The following LMNA variants were observed in gnomAD, a reference collection of about 807,000 sequenced individuals.
The protein encoded by LMNA is lamin.
In LMNA, 20 loss-of-function variants were observed where a neutral mutation model predicts 70.4. The ratio of observed to expected loss-of-function variants is 0.28; its 90% CI spans 0.20 to 0.41. LMNA has a LOEUF of 0.41. Ranked by LOEUF, LMNA falls within the 10% of genes least tolerant of loss-of-function variation. The pLI is 1.00. For synonymous variants in LMNA, 339 were observed against 372.8 expected (o/e 0.91, Z 1.04); for missense variants, 652 against 917.2 (o/e 0.71, Z 3.73).
At chr1:156,111,550 T>C (rs1431618003), upstream of LMNA, among the ~76,000 whole-genome samples, 1 of 152,204 alleles carries the variant, frequency 6.6e-6, no homozygotes, top group Non-Finnish European at 1.5e-5. Flanking sequence ...TGGGATCCCT[T>C]TGGAATTCAT....
At chr1:156,131,395 C>T (rs1265109869) in intron 2 of LMNA, among the ~76,000 whole-genome samples, 1 of 152,046 alleles carries the variant, frequency 6.6e-6, no homozygotes, top group Non-Finnish European at 1.5e-5. Flanking sequence ...TGAGACCAGC[C>T]TGGGCAACAC....
chr1:156,084,357 G>A (rs1199594022), intron 2 of LMNA, among the ~76,000 whole-genome samples: 1 of 139,198 alleles, frequency 7.2e-6, no homozygotes, highest in Non-Finnish European at 1.5e-5. Flanking sequence ...TTGGCACACT[G>A]CAGGGATTTT....
chr1:156,137,772 C>T lies in LMNA; in HGVS notation c.1698+29C>T, dbSNP rs1651800722. 1 of 1,548,594 alleles carries T rather than the reference C, an allele frequency of 6.5e-7. No homozygotes were observed. Among genetic ancestry groups the T allele is most frequent in the African/African-American group, 1.4e-5 (1 of 73,004 alleles). On this transcript the variant is annotated intron_variant, in intron 10 of 11. Coordinates refer to ENST00000368300, the MANE Select transcript of LMNA (RefSeq NM_170707.4). The surrounding 1 kb of genome is among the most constrained non-coding windows in gnomAD (Gnocchi z 4.6). The stretch of plus-strand genomic sequence containing the variant: ...AGTGGTAGCCGCCGCTGAGGCCGAG[C>T]CTGCACTGGGGCCACCCAGCCAGGC...
At chr1:156,114,569 G>T, upstream of LMNA, 1 of 308,540 alleles carries the variant, frequency 3.2e-6, no homozygotes, top group Non-Finnish European at 5.9e-6. Context: ...GCCCGACTCC[G>T]CCACACCCCA....
intron 2 of LMNA, among the ~76,000 whole-genome samples, chr1:156,084,030 G>C (rs1286217333): frequency 6.6e-6 from 1 of 152,116 alleles, no homozygotes; most frequent in Non-Finnish European, 1.5e-5. Context: ...TGCAGCTTGA[G>C]GGCTCGAGGT....
intron 1 of LMNA, among the ~76,000 whole-genome samples, chr1:156,122,774 G>C (rs989393012): frequency 6.6e-6 from 1 of 152,180 alleles, no homozygotes; most frequent in Admixed American, 6.5e-5. Context: ...GCCTGGAACC[G>C]GGGGGAGGGG....
At chr1:156,108,367 A>G (rs962770448) in intron 3 of LMNA, among the ~76,000 whole-genome samples, 1 of 151,646 alleles carries the variant, frequency 6.6e-6, no homozygotes, top group Non-Finnish European at 1.5e-5. Flanking sequence ...CATCACCTCC[A>G]CCTCCTCAGA....
At chr1:156,094,968 C>G (rs1648878067) in intron 3 of LMNA, among the ~76,000 whole-genome samples, 1 of 151,428 alleles carries the variant, frequency 6.6e-6, no homozygotes, top group Admixed American at 6.6e-5. Context: ...GCTCTGTCGC[C>G]CAGGCTGGAG....
At chr1:156,127,095 C>T (rs1038695379) in intron 1 of LMNA, 2 of 641,270 alleles carry the variant, frequency 3.1e-6, no homozygotes, top group South Asian at 2.0e-5. Context: ...TGCCAACCCC[C>T]AGTGGAGTGG....
chr1:156,136,804 G>A lies in LMNA; in HGVS notation c.1381-117G>A, dbSNP rs1338143200. On this transcript the variant is annotated intron_variant, in intron 7 of 11. Transcript: ENST00000368300. The surrounding 1 kb of genome is among the most constrained non-coding windows in gnomAD (Gnocchi z 6.1). ...GGGAAGGGCAGTGACAGGGGTGTGT[G>A]TAGATGGAAGGAGAGGCCTCAATTG... 15 of 827,644 alleles carry A rather than the reference G, an allele frequency of 1.8e-5. No homozygotes were observed. Among genetic ancestry groups the A allele is most frequent in the African/African-American group, 3.4e-5 (2 of 59,342 alleles). 51.3% of individuals were successfully genotyped at this position (827,644 alleles called of 1,614,324 possible).
Position 156,135,763 on chromosome 1 carries a change from C to T in LMNA, c.937-138C>T, listed in dbSNP as rs554139573. 1 of 723,768 alleles carries T rather than the reference C, an allele frequency of 1.4e-6. No individual in the cohort carries two copies. Among genetic ancestry groups the T allele is most frequent in the East Asian group, 2.7e-5 (1 of 37,062 alleles). The allele number at this position is 723,768 out of a possible 1,614,324, so 44.8% of individuals were successfully genotyped here. On this transcript the variant is annotated intron_variant, in intron 5 of 11. Coordinates refer to ENST00000368300, the MANE Select transcript of LMNA (RefSeq NM_170707.4). This position sits in a 1 kb window ranked among gnomAD's most constrained non-coding sequence, Gnocchi z 4.8. ...TAGAGCTTGTGATGTTCAGAGCTGGCTCTGATGAGGGCTCTGGGGAAGCTC... is the reference window on the plus strand; with the variant it reads ...TAGAGCTTGTGATGTTCAGAGCTGGTTCTGATGAGGGCTCTGGGGAAGCTC...
chr1:156,129,431 G>A (rs1650859712), intron 1 of LMNA, among the ~76,000 whole-genome samples: 2 of 152,144 alleles, frequency 1.3e-5, no homozygotes, highest in African/African-American at 4.8e-5. Flanking sequence ...TGGAGTTTAG[G>A]ACTTTTGTGG....
chr1:156,125,134 T>C (rs994200051), intron 1 of LMNA, among the ~76,000 whole-genome samples: 3 of 152,144 alleles, frequency 2.0e-5, no homozygotes, highest in African/African-American at 4.8e-5. Context: ...TCTCCGGGTA[T>C]TTGTGGGACA....
chr1:156,134,597 G>A lies in LMNA; in HGVS notation c.639+69G>A. The A allele has an allele frequency of 1.2e-6, 2 of 1,603,712 alleles. No homozygotes were observed. The highest frequency in any genetic ancestry group is 2.2e-5 in the East Asian group (1 of 44,826). On this transcript the variant is annotated intron_variant, in intron 3 of 11. Transcript: ENST00000368300. This position sits in a 1 kb window ranked among gnomAD's most constrained non-coding sequence, Gnocchi z 5.3. The stretch of plus-strand genomic sequence containing the variant: ...TGACAGACTTGGGCTGGGCTAGGGG[G>A]GACCAGCTGTGTGCAGAGCTCGCCT...
At chr1:156,082,846 G>T (rs1648315381) in intron 1 of LMNA, 1 of 152,230 alleles carries the variant, frequency 6.6e-6, no homozygotes, top group Non-Finnish European at 1.5e-5. Flanking sequence ...GGGGCGGGGA[G>T]CCGGGAGCCG....
rs1229918440 is a variant in LMNA, at chr1:156,137,670, A to G, written c.1625A>G (p.Lys542Arg). Reference protein sequence around the residue: ...NSTGEEVAMRKLVRSVTVVED... With the variant: ...NSTGEEVAMRRLVRSVTVVED... ...CCCCACCAGGAAGTGGCCATGCGCA[A>G]GCTGGTGCGCTCAGTGACTGTGGTT... is the stretch of plus-strand genomic sequence containing the variant. The change falls in exon 10 of 12, where the codon AAG becomes AGG. Residue 542 changes from lysine (K) to arginine (R), a missense_variant. Lys to Arg is a conservative substitution (Grantham distance 26). Transcript: ENST00000368300. The surrounding 1 kb of genome is among the most constrained non-coding windows in gnomAD (Gnocchi z 4.6). 9.6e-6 allele frequency: 15 copies of G among 1,554,616 alleles called. No individual in the cohort carries two copies. The highest frequency in any genetic ancestry group is 1.3e-5 in the Non-Finnish European group (15 of 1,148,416).
In LMNA at chr1:156,103,186, C is replaced by T. The variant is rs1297714842; in HGVS notation, c.-206-11527C>T. ...TCCATAGGCACCAGGAAGTCCTGGG[C>T]TCTAGGAACCTCCTTCCTGCCCCCA... On this transcript the variant is annotated intron_variant, in intron 3 of 12. Coordinates refer to the LMNA transcript ENST00000368301. This position sits in a 1 kb window ranked among gnomAD's most constrained non-coding sequence, Gnocchi z 4.7. 2.6e-5 allele frequency among the ~76,000 whole-genome samples: 4 copies of T among 152,212 alleles called. No individual in the cohort carries two copies. Among genetic ancestry groups the T allele is most frequent in the Non-Finnish European group, 5.9e-5 (4 of 68,036 alleles).
In LMNA at chr1:156,137,939, C is replaced by A; in HGVS notation, c.1698+196C>A. ...GGAACCCAGGTGTCTGGGTGCCCTA[C>A]TCTGGTAAGGAAGGGAGTGGGAACT... On this transcript the variant is annotated intron_variant, in intron 10 of 11. Transcript: ENST00000368300. This position sits in a 1 kb window ranked among gnomAD's most constrained non-coding sequence, Gnocchi z 4.6. 2 of 1,196,072 alleles carry A rather than the reference C, an allele frequency of 1.7e-6. No homozygotes were observed. Among genetic ancestry groups the A allele is most frequent in the Non-Finnish European group, 2.3e-6 (2 of 871,322 alleles). The allele number at this position is 1,196,072 out of a possible 1,614,324, so 74.1% of individuals were successfully genotyped here. A position where few individuals can be genotyped will look rare whatever the true frequency, so the allele number is the denominator to read the frequency against.
intron 1 of LMNA, among the ~76,000 whole-genome samples, chr1:156,125,855 G>T (rs1423286951): frequency 6.6e-6 from 1 of 151,884 alleles, no homozygotes; most frequent in Non-Finnish European, 1.5e-5. Context: ...TAGGCATGGT[G>T]GTGCAGGCCT....
Sources: gnomAD v4.1 joint callset for allele counts (sites outside exome capture counted in the v4.1 genomes callset) on GRCh38, gnomAD v4.1.1 for gene constraint, Gnocchi (gnomAD v3.1) non-coding constraint, MANE v1.5 for transcripts, NCBI Gene and HGNC (gene_info 2026-07-23, HGNC 2026-07-21) for gene names.